Variants in AGAP1 observed in about 807,000 individuals in gnomAD.
AGAP1 encodes arf-GAP with GTPase, ANK repeat and PH domain-containing protein 1.
Under a neutral mutation model 105.3 loss-of-function variants are expected in AGAP1, and 29 were observed. The ratio of observed to expected loss-of-function variants is 0.28; its 90% CI spans 0.21 to 0.38. The LOEUF (loss-of-function observed/expected upper bound fraction) is 0.38, where lower values mean the gene tolerates loss of function less well. AGAP1 is among the 10% of genes least tolerant of loss of function. The pLI is 1.00. For synonymous variants in AGAP1, 509 were observed against 485.9 expected, an observed-to-expected ratio of 1.05 and a Z score of -0.63; for missense variants, 998 against 1,165.1, an observed-to-expected ratio of 0.86 and a Z score of 2.09.
intron 5 of AGAP1, among the ~76,000 whole-genome samples, chr2:235,749,754 G>A (rs1049518773): frequency 2.6e-5 from 4 of 152,182 alleles, no homozygotes; most frequent in African/African-American, 9.7e-5. Flanking sequence ...AGTTAACAGT[G>A]TGGCCATCTT....
At chr2:235,786,622 A>C (rs1467441688) in intron 6 of AGAP1, among the ~76,000 whole-genome samples, 1 of 152,180 alleles carries the variant, frequency 6.6e-6, no homozygotes, top group African/African-American at 2.4e-5. Context: ...TTGTAGGGGT[A>C]ATTATTTTTG....
rs1001878577 is a variant in AGAP1, at chr2:235,989,513, C to T, written c.1645+20890C>T. Among the ~76,000 whole-genome samples the T allele has an allele frequency of 6.6e-6, 1 of 152,104 alleles. No homozygotes were observed. The highest frequency in any genetic ancestry group is 2.4e-5 in the African/African-American group (1 of 41,424). ...AGGAGGGTTTGCCCTAGGGAGGCAG[C>T]CCCAGGCAGGGCCTGGGCACACTGG... On this transcript the variant is annotated intron_variant, in intron 13 of 17. Transcript: ENST00000304032. This position sits in a 1 kb window ranked among gnomAD's most constrained non-coding sequence, Gnocchi z 4.4.
chr2:236,096,405 G>A lies in AGAP1; in HGVS notation c.2115-23787G>A, dbSNP rs2059192424. ...AATCCCAACTACTTGGGAAGCTGAG[G>A]CAAGAGAATCCCTTGAACCTGAGAG... On this transcript the variant is annotated intron_variant, in intron 16 of 17. Transcript: ENST00000304032. The surrounding 1 kb of genome is among the most constrained non-coding windows in gnomAD (Gnocchi z 4.4). Among the ~76,000 whole-genome samples the A allele has an allele frequency of 6.6e-6, 1 of 151,378 alleles. No individual in the cohort carries two copies. The highest frequency in any genetic ancestry group is 2.4e-5 in the African/African-American group (1 of 41,212).
Position 236,005,984 on chromosome 2 carries a change from C to A in AGAP1, c.1646-30577C>A, listed in dbSNP as rs1391857989. Among the ~76,000 whole-genome samples, 3 of 152,150 alleles carry A rather than the reference C, an allele frequency of 2.0e-5. No homozygotes were observed. Among genetic ancestry groups the A allele is most frequent in the Admixed American group, 2.0e-4 (3 of 15,276 alleles). On this transcript the variant is annotated intron_variant, in intron 13 of 17. Transcript: ENST00000304032. This position sits in a 1 kb window ranked among gnomAD's most constrained non-coding sequence, Gnocchi z 4.1. The stretch of plus-strand genomic sequence containing the variant: ...CACTTAAGGAGTTGGGCGTTAGACC[C>A]CCTGTCCTTGAGGGTGGGGTGTCTA...
chr2:235,969,974 G>A (rs980305603), intron 13 of AGAP1, among the ~76,000 whole-genome samples: 1 of 152,150 alleles, frequency 6.6e-6, no homozygotes, highest in African/African-American at 2.4e-5. Context: ...GGCCAAGGCA[G>A]GAAGATCACC....
intron 8 of AGAP1, among the ~76,000 whole-genome samples, chr2:235,800,563 C>G (rs985148334): frequency 2.0e-5 from 3 of 152,238 alleles, no homozygotes; most frequent in Non-Finnish European, 4.4e-5. Flanking sequence ...CCAGGCACAG[C>G]TGCTGTCAGG....
At chr2:235,638,957 A>C (rs1462784451) in intron 1 of AGAP1, among the ~76,000 whole-genome samples, 1 of 152,182 alleles carries the variant, frequency 6.6e-6, no homozygotes. Flanking sequence ...GTGACCAAAA[A>C]TGTCTTCAGG....
At position 236,113,391 on chromosome 2, in the gene AGAP1, G is replaced by A. The variant is rs528040982; in HGVS notation, c.2115-6801G>A. Among the ~76,000 whole-genome samples, 617 of 152,208 alleles carry A rather than the reference G, an allele frequency of 4.1e-3. 2 individuals are homozygous for A. Among genetic ancestry groups the A allele is most frequent in the Non-Finnish European group, 6.7e-3 (457 of 68,010 alleles). ...CCTGACCTCGTGATCCACCCACTTC[G>A]GCCTCCCAAAGTGCTGGGATTACAG... On this transcript the variant is annotated intron_variant, in intron 16 of 17. Transcript: ENST00000304032. The surrounding 1 kb of genome is among the most constrained non-coding windows in gnomAD (Gnocchi z 4.3).
intron 1 of AGAP1, among the ~76,000 whole-genome samples, chr2:235,682,178 T>G (rs1013777105): frequency 1.3e-5 from 2 of 152,040 alleles, no homozygotes; most frequent in African/African-American, 4.8e-5. Context: ...TACTGTGTTA[T>G]GAAACCGTAT....
chr2:235,628,600 A>G lies in AGAP1; in HGVS notation c.164-80579A>G, dbSNP rs552274402. On this transcript the variant is annotated intron_variant, in intron 1 of 17. Transcript: ENST00000304032. ...TGGTGGGTCCTTGAATGCTCTGGAAAGAAGGGGGAGCCATTGCCCACCTCT... is the reference window on the plus strand; with the variant it reads ...TGGTGGGTCCTTGAATGCTCTGGAAGGAAGGGGGAGCCATTGCCCACCTCT... 3.3e-5 allele frequency among the ~76,000 whole-genome samples: 5 copies of G among 152,070 alleles called. No individual in the cohort carries two copies. The East Asian group carries it at 9.7e-4, about 29-fold the overall frequency.
chr2:235,798,972 C>G (rs1259991449), intron 7 of AGAP1, among the ~76,000 whole-genome samples: 1 of 151,524 alleles, frequency 6.6e-6, no homozygotes, highest in East Asian at 1.9e-4. Context: ...TTCCAGGTGT[C>G]ATTTTCATAA....
rs2050122946 is a variant in AGAP1 at position 235,883,321 on chromosome 2, T to C, written c.1051-24T>C. Reference sequence around the variant, plus strand: ...TTTTTTTTATTTACATTAGAATTTCTATTTGGCTCTTTTTCCCTTGTAGGG... The same window carrying C: ...TTTTTTTTATTTACATTAGAATTTCCATTTGGCTCTTTTTCCCTTGTAGGG... On this transcript the variant is annotated intron_variant, in intron 9 of 17. Coordinates refer to ENST00000304032, the MANE Select transcript of AGAP1 (RefSeq NM_001037131.3). This position sits in a 1 kb window ranked among gnomAD's most constrained non-coding sequence, Gnocchi z 4.5. 3 of 1,602,898 alleles carry C rather than the reference T, an allele frequency of 1.9e-6. No individual in the cohort carries two copies. The highest frequency in any genetic ancestry group is 2.6e-6 in the Non-Finnish European group (3 of 1,171,614).
chr2:235,677,752 C>T (rs1253703409), intron 1 of AGAP1, among the ~76,000 whole-genome samples: 3 of 151,750 alleles, frequency 2.0e-5, no homozygotes, highest in African/African-American at 4.8e-5. Flanking sequence ...TTGAGATTGA[C>T]TCGGTGAACA....
At position 236,014,533 on chromosome 2, in the gene AGAP1, C is replaced by G. The variant is rs144620144; in HGVS notation, c.1646-22028C>G. On this transcript the variant is annotated intron_variant, in intron 13 of 17. Transcript: ENST00000304032. This position sits in a 1 kb window ranked among gnomAD's most constrained non-coding sequence, Gnocchi z 6.3. Reference sequence around the variant, plus strand: ...ACGTGTGAAACCCAGCAGGGCGAAGCAGACTTCTGCGCGTGGGTAGTTCTT... The same window carrying G: ...ACGTGTGAAACCCAGCAGGGCGAAGGAGACTTCTGCGCGTGGGTAGTTCTT... Among the ~76,000 whole-genome samples the G allele has an allele frequency of 5.4e-3, 817 of 152,272 alleles. 4 individuals are homozygous for G. The highest frequency in any genetic ancestry group is 0.019 in the African/African-American group (769 of 41,560).
rs1366313306 is a variant in AGAP1, at chr2:236,040,357, T to C, written c.1801-394T>C. Reference sequence around the variant, plus strand: ...TACATTGCTGATGAAGCCCTAACCCTGGGCTTATAAACGGATTATTTCTTT... The same window carrying C: ...TACATTGCTGATGAAGCCCTAACCCCGGGCTTATAAACGGATTATTTCTTT... On this transcript the variant is annotated intron_variant, in intron 14 of 17. Coordinates refer to ENST00000304032, the MANE Select transcript of AGAP1 (RefSeq NM_001037131.3). This position sits in a 1 kb window ranked among gnomAD's most constrained non-coding sequence, Gnocchi z 5.6. 1.3e-5 allele frequency among the ~76,000 whole-genome samples: 2 copies of C among 152,150 alleles called. No individual in the cohort carries two copies. Among genetic ancestry groups the C allele is most frequent in the African/African-American group, 4.8e-5 (2 of 41,440 alleles).
At chr2:235,991,552 G>T (rs1176498191) in intron 13 of AGAP1, among the ~76,000 whole-genome samples, 1 of 152,136 alleles carries the variant, frequency 6.6e-6, no homozygotes, top group Non-Finnish European at 1.5e-5. Flanking sequence ...TCTTAAAAAA[G>T]GAAAGAAAAT....
chr2:235,921,375 T>TA (rs1384795704), intron 11 of AGAP1, among the ~76,000 whole-genome samples: 5 of 152,250 alleles, frequency 3.3e-5, no homozygotes, highest in African/African-American at 7.2e-5. Flanking sequence ...ATATGTTCAA[T>TA]AAAAAATTGA....
intron 1 of AGAP1, among the ~76,000 whole-genome samples, chr2:235,708,531 C>T (rs529602465): frequency 1.3e-5 from 2 of 152,234 alleles, no homozygotes; most frequent in African/African-American, 4.8e-5. Context: ...GCTTAGGAGT[C>T]CTCCATCTTT....
At chr2:236,041,483 T>A (rs1160898076) in intron 15 of AGAP1, among the ~76,000 whole-genome samples, 1 of 152,186 alleles carries the variant, frequency 6.6e-6, no homozygotes. Context: ...ACCCCAGTTT[T>A]ATTTCATGAT....
Sources: allele counts gnomAD v4.1 joint callset (sites outside exome capture counted in the v4.1 genomes callset), GRCh38; gene constraint gnomAD v4.1.1; non-coding constraint Gnocchi (gnomAD v3.1); transcripts MANE v1.5; gene names NCBI Gene and HGNC (gene_info 2026-07-23, HGNC 2026-07-21).